Variants in HHLA2 observed in about 807,000 individuals in gnomAD.
The protein encoded by HHLA2 is HHLA2 member of B7 family.
In HHLA2, 48 loss-of-function variants were observed where a neutral mutation model predicts 45.9. The ratio of observed to expected loss-of-function variants is 1.05; its 90% CI spans 0.83 to 1.33. The LOEUF (loss-of-function observed/expected upper bound fraction) is 1.33, where lower values mean the gene tolerates loss of function less well. Ranked by LOEUF, HHLA2 falls within the 40% of genes most tolerant of loss-of-function variation. The pLI is 0.00. For synonymous variants in HHLA2, 161 were observed against 173.9 expected, an observed-to-expected ratio of 0.93 and a Z score of 0.59; for missense variants, 462 against 494.3, an observed-to-expected ratio of 0.93 and a Z score of 0.62.
At chr3:108,323,406 G>T (rs1402272266) in intron 2 of HHLA2, among the ~76,000 whole-genome samples, 1 of 151,872 alleles carries the variant, frequency 6.6e-6, no homozygotes, top group Admixed American at 6.6e-5. Context: ...TACCTACTGT[G>T]TACCCATAAA....
chr3:108,341,427 C>A (rs2081569691), intron 3 of HHLA2, among the ~76,000 whole-genome samples: 1 of 152,182 alleles, frequency 6.6e-6, no homozygotes, highest in African/African-American at 2.4e-5. Context: ...TTACTACAAA[C>A]TTCTAATGGC....
At chr3:108,372,237 A>C (rs2082190115) in intron 8 of HHLA2, among the ~76,000 whole-genome samples, 2 of 152,224 alleles carry the variant, frequency 1.3e-5, no homozygotes, top group Non-Finnish European at 2.9e-5. Context: ...CTGGGTACAT[A>C]ATGAAATGAA....
intron 1 of HHLA2, among the ~76,000 whole-genome samples, chr3:108,309,979 A>G (rs2080991675): frequency 6.6e-6 from 1 of 152,078 alleles, no homozygotes; most frequent in Non-Finnish European, 1.5e-5. Context: ...TATTACATGG[A>G]TTTTTTATTC....
chr3:108,315,911 A>G (rs1194116768), intron 2 of HHLA2, among the ~76,000 whole-genome samples: 1 of 152,206 alleles, frequency 6.6e-6, no homozygotes, highest in African/African-American at 2.4e-5. Flanking sequence ...AATCTAAGGT[A>G]GCAGAAGAGG....
intron 3 of HHLA2, among the ~76,000 whole-genome samples, chr3:108,342,725 T>C (rs2081595207): frequency 6.6e-6 from 1 of 152,190 alleles, no homozygotes; most frequent in South Asian, 2.1e-4. Context: ...TGCTGGGTAT[T>C]ATTATAATCG....
intron 1 of HHLA2, among the ~76,000 whole-genome samples, chr3:108,306,887 G>A (rs138581079): frequency 1.3e-5 from 2 of 151,418 alleles, no homozygotes; most frequent in South Asian, 2.1e-4. Context: ...ACAGAGTCTC[G>A]CTCTGTCACA....
At chr3:108,337,424 G>A (rs960293174) in intron 3 of HHLA2, among the ~76,000 whole-genome samples, 1 of 152,112 alleles carries the variant, frequency 6.6e-6, no homozygotes, top group Non-Finnish European at 1.5e-5. Flanking sequence ...TTGGTCGCTT[G>A]CCACTGTGAA....
chr3:108,357,712 A>T, intron 6 of HHLA2, 132 bp from the exon 6 acceptor site: 1 of 735,966 alleles, frequency 1.4e-6, no homozygotes, highest in Non-Finnish European at 2.2e-6. Flanking sequence ...TACAAATATA[A>T]TTACTTTCCA....
chr3:108,311,187 A>G (rs17241163), intron 2 of HHLA2, among the ~76,000 whole-genome samples: 10,326 of 152,274 alleles, frequency 0.068, 484 homozygotes, highest in Non-Finnish European at 0.092. Context: ...GTGTTTTCTA[A>G]TAAGCCTGTA....
At chr3:108,305,523 A>T (rs756497868) in intron 1 of HHLA2, among the ~76,000 whole-genome samples, 1 of 152,194 alleles carries the variant, frequency 6.6e-6, no homozygotes, top group East Asian at 1.9e-4. Flanking sequence ...AAGCAGTTCC[A>T]TATATCCCAA....
At chr3:108,376,880 G>A (rs962539496) in intron 10 of HHLA2, 12 of 340,178 alleles carry the variant, frequency 3.5e-5, no homozygotes, top group Admixed American at 1.3e-4. Flanking sequence ...TGAAACATGG[G>A]ATTGTATACA....
intron 7 of HHLA2, among the ~76,000 whole-genome samples, chr3:108,359,393 T>G (rs950883247): frequency 2.0e-5 from 3 of 152,168 alleles, no homozygotes; most frequent in Non-Finnish European, 4.4e-5. Context: ...GGAAGAGGAC[T>G]TGGCAGGAGC....
intron 10 of HHLA2, 53 bp from the exon 10 acceptor site, chr3:108,377,205 G>T (rs753575716): frequency 3.3e-5 from 40 of 1,202,454 alleles, no homozygotes; most frequent in Admixed American, 5.8e-5. Context: ...AGATATAAAT[G>T]GTTATTCTGA....
intron 2 of HHLA2, among the ~76,000 whole-genome samples, chr3:108,321,724 TTGTTTTCTACCCTGTTTCC>T (rs1187152753): frequency 3.3e-5 from 5 of 152,122 alleles, no homozygotes; most frequent in Non-Finnish European, 5.9e-5. Flanking sequence ...TTAAATACTT[TTGTTTTCTACCCTGTTTCC>T]TGTTTTCTCT....
chr3:108,297,360 T>A (rs906504769), intron 1 of HHLA2, among the ~76,000 whole-genome samples: 9 of 152,198 alleles, frequency 5.9e-5, no homozygotes, highest in African/African-American at 1.9e-4. Context: ...TGGTGTCATA[T>A]CCCATTATAA....
chr3:108,357,955 G>A, exon 7 of HHLA2: 1 of 1,613,694 alleles, frequency 6.2e-7, no homozygotes, highest in Non-Finnish European at 8.5e-7. Context: ...ATGAAAAGTG[G>A]GACTTTCTCT....
chr3:108,356,517 T>A (rs1396239484), intron 6 of HHLA2, among the ~76,000 whole-genome samples: 2 of 152,190 alleles, frequency 1.3e-5, no homozygotes, highest in African/African-American at 4.8e-5. Context: ...GTTAAAGGCA[T>A]GAGTACCCAA....
At chr3:108,362,167 A>G (rs1431332606) in intron 7 of HHLA2, among the ~76,000 whole-genome samples, 175 bp from the exon 7 acceptor site, 2 of 152,160 alleles carry the variant, frequency 1.3e-5, no homozygotes, top group Admixed American at 1.3e-4. Flanking sequence ...GCTTTATCCT[A>G]AAGGACGTTT....
At chr3:108,353,941 TG>T (rs1456628301) in intron 5 of HHLA2, among the ~76,000 whole-genome samples, 161 bp downstream of exon 4, 9 of 152,230 alleles carry the variant, frequency 5.9e-5, no homozygotes, top group Middle Eastern at 3.2e-3. Context: ...ATGTTATAAA[TG>T]ATACAACTGT....
Sources: gnomAD v4.1 joint callset for allele counts (sites outside exome capture counted in the v4.1 genomes callset) on GRCh38, gnomAD v4.1.1 for gene constraint, MANE v1.5 for transcripts, NCBI Gene and HGNC (gene_info 2026-07-23, HGNC 2026-07-21) for gene names.